The following GRID2 variants were observed in gnomAD, a reference collection of about 807,000 sequenced individuals.
GRID2 encodes the protein glutamate receptor ionotropic, delta-2.
GRID2 carries 33 observed loss-of-function variants against 114.8 expected under a neutral mutation model. That is an observed-to-expected ratio of 0.29 (90% CI 0.22 to 0.38). GRID2 has a LOEUF of 0.38. GRID2 is among the 10% of genes least tolerant of loss of function. The pLI is 1.00. For missense variants in GRID2, 1,184 were observed against 1,257.7 expected (o/e 0.94, Z 0.89); for synonymous variants, 505 against 449.9 (o/e 1.12, Z -1.55).
At chr4:92,586,387 C>T (rs1036642287) in intron 1 of GRID2, among the ~76,000 whole-genome samples, 4 of 148,432 alleles carry the variant, frequency 2.7e-5, no homozygotes, top group African/African-American at 5.2e-5. Context: ...CACACACACA[C>T]ACACACATAC....
intron 13 of GRID2, among the ~76,000 whole-genome samples, chr4:93,601,370 C>G (rs767810547): frequency 5.3e-5 from 8 of 152,148 alleles, no homozygotes; most frequent in Non-Finnish European, 1.0e-4. Flanking sequence ...ACATGGGTGT[C>G]CTGGAACATG....
intron 1 of GRID2, among the ~76,000 whole-genome samples, chr4:93,792,270 T>C (rs1440402963): frequency 6.6e-6 from 1 of 152,136 alleles, no homozygotes; most frequent in African/African-American, 2.4e-5. Flanking sequence ...CTTTCACCAA[T>C]TTTGGTGAGA....
At chr4:92,623,372 A>T (rs1560495408) in intron 2 of GRID2, among the ~76,000 whole-genome samples, 1 of 151,606 alleles carries the variant, frequency 6.6e-6, no homozygotes, top group Non-Finnish European at 1.5e-5. Flanking sequence ...TACAAAAAAA[A>T]AAAGATTAAT....
At chr4:93,584,687 T>A (rs887836414) in intron 13 of GRID2, among the ~76,000 whole-genome samples, 7 of 152,158 alleles carry the variant, frequency 4.6e-5, no homozygotes, top group Non-Finnish European at 8.8e-5. Context: ...TTTTTGTAAA[T>A]GATGATACCA....
chr4:92,813,129 A>T (rs1411008827), intron 2 of GRID2, among the ~76,000 whole-genome samples: 1 of 152,172 alleles, frequency 6.6e-6, no homozygotes, highest in African/African-American at 2.4e-5. Flanking sequence ...ACTGATGTTT[A>T]CAATATGGAC....
chr4:92,465,556 G>A (rs551227206), intron 1 of GRID2, among the ~76,000 whole-genome samples: 274 of 152,126 alleles, frequency 1.8e-3, no homozygotes, highest in Middle Eastern at 3.4e-3. Context: ...AGATGATGTT[G>A]GCACTTTCTT....
intron 1 of GRID2, among the ~76,000 whole-genome samples, chr4:93,784,401 G>C (rs1407529501): frequency 6.6e-6 from 1 of 152,054 alleles, no homozygotes; most frequent in Non-Finnish European, 1.5e-5. Context: ...AAGCACTAAG[G>C]CACCCTTCAC....
intron 10 of GRID2, among the ~76,000 whole-genome samples, chr4:93,450,567 T>A (rs1722592264): frequency 6.6e-6 from 1 of 151,816 alleles, no homozygotes; most frequent in African/African-American, 2.4e-5. Flanking sequence ...TAAATGTATT[T>A]CAATTTGTCT....
chr4:93,633,863 G>C (rs989476153), intron 14 of GRID2, among the ~76,000 whole-genome samples: 1 of 152,010 alleles, frequency 6.6e-6, no homozygotes, highest in East Asian at 1.9e-4. Context: ...AATTGGAATG[G>C]GGTGCTTTCC....
At chr4:92,626,586 G>A (rs1056197448) in intron 2 of GRID2, among the ~76,000 whole-genome samples, 2 of 152,032 alleles carry the variant, frequency 1.3e-5, no homozygotes, top group South Asian at 2.1e-4. Context: ...TGGAAGTGGA[G>A]CCTTAGCACA....
chr4:92,876,497 G>T (rs1337440869), intron 2 of GRID2, among the ~76,000 whole-genome samples: 1 of 151,836 alleles, frequency 6.6e-6, no homozygotes. Flanking sequence ...GTAAAGACGG[G>T]GTTTCACCGT....
rs760655946 is a variant in GRID2, at chr4:93,515,347, G to T, written c.2129G>T (p.Arg710Leu). Residue 710 changes from arginine (R) to leucine (L), a missense_variant, in exon 13 of 16, where the codon CGG becomes CTG. Physicochemically the swap from Arg to Leu is moderately radical, Grantham distance 102 (BLOSUM62 -2). Around this residue, in one of 3 missense-constraint regions of GRID2, gnomAD observed 717 missense variants for 796.9 expected, o/e 0.90. Coordinates refer to ENST00000282020, the MANE Select transcript of GRID2 (RefSeq NM_001510.4). ...ERDSMYSQMW[R>L]MINRSNGSEN... The stretch of plus-strand genomic sequence containing the variant: ...GACAGCATGTATTCCCAAATGTGGC[G>T]GATGATCAACCGAAGCAATGGATCG... 6.2e-7 allele frequency: 1 copy of T among 1,612,908 alleles called. No individual in the cohort carries two copies. The highest frequency in any genetic ancestry group is 1.3e-5 in the African/African-American group (1 of 74,966).
chr4:93,238,428 A>G lies in GRID2; in HGVS notation c.1183A>G (p.Asn395Asp). 6.2e-7 allele frequency: 1 copy of G among 1,608,386 alleles called. No homozygotes were observed. The highest frequency in any genetic ancestry group is 8.5e-7 in the Non-Finnish European group (1 of 1,175,386). ...LEFGENGGNP[N>D]VHFEILGTNY... Reference sequence around the variant, plus strand: ...ATTTGGAGAAAATGGAGGCAATCCCAATGTCCACTTTGAAATCCTTGGAAC... The same window carrying G: ...ATTTGGAGAAAATGGAGGCAATCCCGATGTCCACTTTGAAATCCTTGGAAC... The change falls in exon 8 of 16, where the codon AAT becomes GAT. Residue 395 changes from asparagine to aspartate, a missense_variant. Asn to Asp is a conservative substitution (Grantham distance 23). Around this residue, in one of 3 missense-constraint regions of GRID2, gnomAD observed 717 missense variants for 796.9 expected, o/e 0.90. Coordinates refer to ENST00000282020, the MANE Select transcript of GRID2 (RefSeq NM_001510.4).
rs141500051 is a variant in GRID2 at position 92,830,133 on chromosome 4, C to T, written c.244+239847C>T. Among the ~76,000 whole-genome samples the T allele has an allele frequency of 2.7e-5, 4 of 148,024 alleles. No individual in the cohort carries two copies. The East Asian group carries it at 7.9e-4, about 29-fold the overall frequency. Reference sequence around the variant, plus strand: ...AAAAGCAAAACTAGCACTGAGGAAACACCTAAAGCAATCCTGGGACTCATA... The same window carrying T: ...AAAAGCAAAACTAGCACTGAGGAAATACCTAAAGCAATCCTGGGACTCATA... On this transcript the variant is annotated intron_variant, in intron 2 of 15. Transcript: ENST00000282020.
intron 2 of GRID2, among the ~76,000 whole-genome samples, chr4:92,907,198 A>T (rs141091296): frequency 2.4e-3 from 367 of 152,302 alleles, no homozygotes; most frequent in African/African-American, 7.3e-3. Context: ...TTTTTAAAAA[A>T]ATTAAGACAA....
intron 2 of GRID2, among the ~76,000 whole-genome samples, chr4:92,710,274 G>GAGAT (rs1735181999): frequency 6.6e-6 from 1 of 151,696 alleles, no homozygotes; most frequent in Non-Finnish European, 1.5e-5. Context: ...ATTGCTAAAA[G>GAGAT]AGAAGAAAAT....
chr4:93,163,356 G>A lies in GRID2; in HGVS notation c.736-44048G>A, dbSNP rs866167961. Among the ~76,000 whole-genome samples, 101 of 56,174 alleles carry A rather than the reference G, an allele frequency of 1.8e-3. 1 individual carries two copies. The highest frequency in any genetic ancestry group is 5.8e-3 in the African/African-American group (75 of 12,872). The allele number at this position is 56,174 out of a possible 152,430, so 36.9% of individuals were successfully genotyped here. On this transcript the variant is annotated intron_variant, in intron 4 of 15. Coordinates refer to ENST00000282020, the MANE Select transcript of GRID2 (RefSeq NM_001510.4). ...TTTCCACTTCTGATTTTTTTTTTGT[G>A]TATATATATATATATATATATATAT...
rs1333658432 is a variant in GRID2, at chr4:93,772,219, A to G, written c.2745A>G (p.Ala915=). The change falls in exon 16 of 16, where the codon GCA becomes GCG. Residue 915 remains alanine (A), a synonymous_variant. Transcript: ENST00000282020. ...TTGACACTTTGCCAACACGACAAGC[A>G]CTGGAGCAAATCAGTGATTTCAGGA... ...LDIDTLPTRQ[A]LEQISDFRNT... The G allele has an allele frequency of 3.1e-6, 5 of 1,614,108 alleles. No homozygotes were observed. The highest frequency in any genetic ancestry group is 2.2e-5 in the South Asian group (2 of 91,064).
intron 1 of GRID2, among the ~76,000 whole-genome samples, chr4:92,356,556 GATAA>G (rs1329400196): frequency 6.6e-6 from 1 of 151,322 alleles, no homozygotes; most frequent in African/African-American, 2.4e-5. Context: ...TTTATATGTA[GATAA>G]ATACTCTGTA....
Sources: gnomAD v4.1 joint callset for allele counts (sites outside exome capture counted in the v4.1 genomes callset) on GRCh38, gnomAD v4.1.1 for gene constraint, gnomAD v4.1.1 regional missense constraint, MANE v1.5 for transcripts, NCBI Gene and HGNC (gene_info 2026-07-23, HGNC 2026-07-21) for gene names.